The following BBX variants were observed in gnomAD, a reference collection of about 807,000 sequenced individuals.
The protein encoded by BBX is HMG box transcription factor BBX.
Under a neutral mutation model 100.2 loss-of-function variants are expected in BBX, and 30 were observed. The ratio of observed to expected loss-of-function variants is 0.30; its 90% CI spans 0.22 to 0.41. The LOEUF (loss-of-function observed/expected upper bound fraction) is 0.41, where lower values mean the gene tolerates loss of function less well. Among genes scored for constraint, BBX ranks in the 10% least tolerant of loss-of-function variants. The pLI is 1.00. For missense variants in BBX, 1,023 were observed against 1,129.8 expected (o/e 0.91, Z 1.35); for synonymous variants, 376 against 388.1 (o/e 0.97, Z 0.37).
intron 15 of BBX, among the ~76,000 whole-genome samples, chr3:107,796,663 G>A (rs1238988399): frequency 6.6e-6 from 1 of 151,910 alleles, no homozygotes; most frequent in Non-Finnish European, 1.5e-5. Context: ...CATCTTCTTT[G>A]GAGTGTTTCT....
At chr3:107,582,807 C>G (rs911445046) in intron 2 of BBX, among the ~76,000 whole-genome samples, 14 of 151,778 alleles carry the variant, frequency 9.2e-5, no homozygotes, top group African/African-American at 3.4e-4. Context: ...ATCTGTTTTT[C>G]TGCTTTGCTA....
At chr3:107,660,821 A>G (rs2058409163) in intron 3 of BBX, among the ~76,000 whole-genome samples, 1 of 152,188 alleles carries the variant, frequency 6.6e-6, no homozygotes, top group African/African-American at 2.4e-5. Flanking sequence ...TCGTGCATAC[A>G]AAGAGCAATA....
At chr3:107,669,373 G>T (rs1296783040) in intron 3 of BBX, among the ~76,000 whole-genome samples, 1 of 152,142 alleles carries the variant, frequency 6.6e-6, no homozygotes, top group Admixed American at 6.5e-5. Context: ...CTCCATTGCA[G>T]GGAGCTGGGC....
intron 13 of BBX, among the ~76,000 whole-genome samples, chr3:107,783,671 G>T (rs1197242719): frequency 6.6e-6 from 1 of 151,878 alleles, no homozygotes; most frequent in Non-Finnish European, 1.5e-5. Flanking sequence ...GATTGCCTAT[G>T]TATCATTCAG....
intron 11 of BBX, among the ~76,000 whole-genome samples, chr3:107,774,058 T>C (rs2107795568): frequency 6.6e-6 from 1 of 152,270 alleles, no homozygotes; most frequent in Middle Eastern, 3.4e-3. Context: ...CTTCATTAGG[T>C]AATCAAAGCT....
chr3:107,742,302 AC>A (rs1310029780), intron 7 of BBX, among the ~76,000 whole-genome samples: 2 of 142,434 alleles, frequency 1.4e-5, no homozygotes, highest in African/African-American at 5.2e-5. Flanking sequence ...TTCCTTCCCA[AC>A]CCTCCTTTTT....
chr3:107,799,520 A>G (rs1289092881), intron 16 of BBX, among the ~76,000 whole-genome samples: 1 of 152,132 alleles, frequency 6.6e-6, no homozygotes, highest in Admixed American at 6.6e-5. Flanking sequence ...ATGTGCACAA[A>G]AGCAATCTTA....
At position 107,544,992 on chromosome 3, in the gene BBX, G is replaced by A. The variant is rs540935054; in HGVS notation, c.-84+18594G>A. Among the ~76,000 whole-genome samples the A allele has an allele frequency of 9.2e-5, 14 of 152,010 alleles. No individual in the cohort carries two copies. In the East Asian group the frequency reaches 2.5e-3, roughly 27 times the overall value. On this transcript the variant is annotated intron_variant, in intron 2 of 17. Coordinates refer to ENST00000325805, the MANE Select transcript of BBX (RefSeq NM_001142568.3). Reference sequence around the variant, plus strand: ...AGATCCGCCATTGTACTCGAGCCTGGGCAACAGAGCGAGACTCCGTCTCAA... The same window carrying A: ...AGATCCGCCATTGTACTCGAGCCTGAGCAACAGAGCGAGACTCCGTCTCAA...
At chr3:107,551,511 C>A (rs2049678231) in intron 2 of BBX, among the ~76,000 whole-genome samples, 1 of 152,216 alleles carries the variant, frequency 6.6e-6, no homozygotes, top group African/African-American at 2.4e-5. Context: ...GCTTTCACAT[C>A]TAGCATAAAT....
chr3:107,791,730 C>T (rs1395465542), intron 15 of BBX, among the ~76,000 whole-genome samples: 1 of 152,184 alleles, frequency 6.6e-6, no homozygotes, highest in African/African-American at 2.4e-5. Context: ...CAGCAAGGCA[C>T]AGTGGCTCAC....
At chr3:107,701,130 A>T (rs186504416) in intron 3 of BBX, among the ~76,000 whole-genome samples, 6 of 152,192 alleles carry the variant, frequency 3.9e-5, no homozygotes, top group Non-Finnish European at 5.9e-5. Flanking sequence ...AATGATCACC[A>T]TTCTAACTGG....
Position 107,584,051 on chromosome 3 carries a change from A to AT in BBX, c.-84+57654dup, listed in dbSNP as rs567479228. On this transcript the variant is annotated intron_variant, in intron 2 of 17. Transcript: ENST00000325805. ...TATATATTAATTATATATATTATATATATTATATATATCATATATTATATA... is the reference window on the plus strand; with the variant it reads ...TATATATTAATTATATATATTATATATTATTATATATATCATATATTATATA... Among the ~76,000 whole-genome samples the AT allele has an allele frequency of 3.3e-3, 105 of 32,236 alleles. 6 individuals are homozygous for AT. The highest frequency in any genetic ancestry group is 4.2e-3 in the Non-Finnish European group (75 of 17,720). 21.1% of individuals were successfully genotyped at this position (32,236 alleles called of 152,430 possible).
intron 2 of BBX, among the ~76,000 whole-genome samples, chr3:107,567,900 A>G (rs1395389672): frequency 6.6e-6 from 1 of 151,982 alleles, no homozygotes; most frequent in Non-Finnish European, 1.5e-5. Context: ...GCGTATTTAA[A>G]CATGTTTTTC....
chr3:107,534,152 G>A (rs574750106), intron 2 of BBX, among the ~76,000 whole-genome samples: 3 of 152,132 alleles, frequency 2.0e-5, no homozygotes, highest in Non-Finnish European at 4.4e-5. Context: ...TTTATTGATA[G>A]GGCTTTCATT....
At chr3:107,562,779 A>T (rs577581985) in intron 2 of BBX, among the ~76,000 whole-genome samples, 1 of 152,216 alleles carries the variant, frequency 6.6e-6, no homozygotes, top group Non-Finnish European at 1.5e-5. Context: ...ATGAAGAAGA[A>T]TCAGGTTACA....
chr3:107,644,748 G>A (rs1203785928), intron 2 of BBX, among the ~76,000 whole-genome samples: 1 of 152,098 alleles, frequency 6.6e-6, no homozygotes, highest in Non-Finnish European at 1.5e-5. Context: ...GGATGAATGA[G>A]TAGTATCTTG....
At chr3:107,599,766 C>T (rs1009801623) in intron 2 of BBX, among the ~76,000 whole-genome samples, 4 of 152,180 alleles carry the variant, frequency 2.6e-5, no homozygotes, top group East Asian at 1.9e-4. Flanking sequence ...ATATGTGCTT[C>T]GTCCCCACAT....
At chr3:107,613,941 GTTTTTTTTTTTTTTT>G (rs533672871) in intron 2 of BBX, among the ~76,000 whole-genome samples, 2 of 86,544 alleles carry the variant, frequency 2.3e-5, no homozygotes, top group Admixed American at 1.3e-4. Flanking sequence ...ACATACCATG[GTTTTTTTTTTTTTTT>G]TTTTTTTTTT....
chr3:107,652,300 A>T (rs143197407), intron 3 of BBX, among the ~76,000 whole-genome samples: 1 of 151,900 alleles, frequency 6.6e-6, no homozygotes, highest in Non-Finnish European at 1.5e-5. Flanking sequence ...TGTCTAAAAA[A>T]TGTAATCAAA....
Sources: allele counts gnomAD v4.1 joint callset (sites outside exome capture counted in the v4.1 genomes callset), GRCh38; gene constraint gnomAD v4.1.1; transcripts MANE v1.5; gene names NCBI Gene and HGNC (gene_info 2026-07-23, HGNC 2026-07-21).